The following TAFA2 variants were observed in gnomAD, a reference collection of about 807,000 sequenced individuals.
TAFA2 encodes the protein TAFA chemokine like family member 2.
Under a neutral mutation model 18.8 loss-of-function variants are expected in TAFA2, and 7 were observed. The ratio of observed to expected loss-of-function variants is 0.37; its 90% CI spans 0.21 to 0.70. The LOEUF (loss-of-function observed/expected upper bound fraction) is 0.70. Ranked by LOEUF, TAFA2 falls within the 30% of genes least tolerant of loss-of-function variation. The pLI is 0.53. For missense variants in TAFA2, 122 were observed against 158.1 expected, an observed-to-expected ratio of 0.77 and a Z score of 1.23; for synonymous variants, 60 against 54.2, an observed-to-expected ratio of 1.11 and a Z score of -0.47.
intron 2 of TAFA2, among the ~76,000 whole-genome samples, chr12:61,847,401 GATAA>G (rs1475668197): frequency 2.0e-5 from 3 of 152,030 alleles, no homozygotes; most frequent in African/African-American, 7.2e-5. Flanking sequence ...ATGAATGAAT[GATAA>G]ATAAATTACT....
At chr12:61,859,625 G>C (rs936914669) in intron 2 of TAFA2, among the ~76,000 whole-genome samples, 1 of 152,062 alleles carries the variant, frequency 6.6e-6, no homozygotes, top group African/African-American at 2.4e-5. Context: ...TGTATTTTTA[G>C]TAGAGACAGG....
chr12:62,028,166 C>A (rs931852957), intron 1 of TAFA2, among the ~76,000 whole-genome samples: 1 of 152,132 alleles, frequency 6.6e-6, no homozygotes, highest in Non-Finnish European at 1.5e-5. Flanking sequence ...TAGCCTAGTA[C>A]TATAACAAGT....
intron 1 of TAFA2, among the ~76,000 whole-genome samples, chr12:62,089,343 C>T (rs1868609438): frequency 6.6e-6 from 1 of 151,976 alleles, no homozygotes; most frequent in Non-Finnish European, 1.5e-5. Flanking sequence ...TCACCTGCTA[C>T]CCATAATTTT....
chr12:62,102,147 T>C (rs1869236205), intron 1 of TAFA2, among the ~76,000 whole-genome samples: 1 of 152,264 alleles, frequency 6.6e-6, no homozygotes, highest in African/African-American at 2.4e-5. Flanking sequence ...GCTTTCATTA[T>C]ACTTGTGCTT....
chr12:62,238,595 A>G (rs1468030261), intron 1 of TAFA2, among the ~76,000 whole-genome samples: 1 of 152,200 alleles, frequency 6.6e-6, no homozygotes, highest in Non-Finnish European at 1.5e-5. Flanking sequence ...TTTTGATTCC[A>G]CAATCCAAAC....
At chr12:62,203,637 T>C (rs1191219322) in intron 1 of TAFA2, among the ~76,000 whole-genome samples, 1 of 152,262 alleles carries the variant, frequency 6.6e-6, no homozygotes, top group Non-Finnish European at 1.5e-5. Context: ...GTCTGTTTTG[T>C]CAGAAACTAG....
intron 1 of TAFA2, chr12:62,198,533 G>A (rs890511001): frequency 8.5e-5 from 13 of 152,094 alleles, no homozygotes; most frequent in African/African-American, 3.1e-4. Context: ...TAAAACTTAC[G>A]AGTCCCAGTT....
intron 2 of TAFA2, among the ~76,000 whole-genome samples, chr12:61,805,026 C>A (rs1871552704): frequency 6.6e-6 from 1 of 151,882 alleles, no homozygotes; most frequent in South Asian, 2.1e-4. Context: ...GAACAACAAG[C>A]TTAAAACCAT....
chr12:61,790,177 TA>T (rs1555165637), intron 2 of TAFA2, among the ~76,000 whole-genome samples: 43 of 109,998 alleles, frequency 3.9e-4, no homozygotes, highest in African/African-American at 1.3e-3. Flanking sequence ...CCCTTCATGA[TA>T]AAAAAAAAAA....
intron 1 of TAFA2, among the ~76,000 whole-genome samples, chr12:61,994,261 G>C (rs910312862): frequency 2.6e-5 from 4 of 152,036 alleles, no homozygotes; most frequent in Admixed American, 2.6e-4. Context: ...ACTTCATGCA[G>C]ACAAACCCAT....
chr12:62,252,971 T>C (rs1445906152), intron 1 of TAFA2: 1 of 152,168 alleles, frequency 6.6e-6, no homozygotes, highest in Non-Finnish European at 1.5e-5. Flanking sequence ...GCCCCTTACA[T>C]AATAGAAGGG....
intron 2 of TAFA2, among the ~76,000 whole-genome samples, chr12:61,840,887 T>C (rs1480551568): frequency 6.6e-6 from 1 of 152,072 alleles, no homozygotes; most frequent in Non-Finnish European, 1.5e-5. Flanking sequence ...AACAGTTAGA[T>C]GCCAAAAATT....
intron 2 of TAFA2, among the ~76,000 whole-genome samples, chr12:61,820,610 G>A (rs995710608): frequency 2.0e-5 from 3 of 151,898 alleles, no homozygotes; most frequent in African/African-American, 4.8e-5. Context: ...AAGATAATTC[G>A]ATCTTAATTA....
At chr12:61,758,670 G>A (rs553053801) in intron 2 of TAFA2, among the ~76,000 whole-genome samples, 4 of 152,146 alleles carry the variant, frequency 2.6e-5, no homozygotes, top group East Asian at 1.9e-4. Context: ...AGGAAAGAGT[G>A]GTAGGAATAC....
rs1426772021 is a variant in TAFA2 at position 61,955,638 on chromosome 12, T to A, written c.-1-88212A>T. ...AAAAAAAAAAAAAAAAAAAAATATA[T>A]ATATATATATATATATATATATATA... On this transcript the variant is annotated intron_variant, in intron 1 of 4. Transcript: ENST00000416284. 3.5e-3 allele frequency among the ~76,000 whole-genome samples: 57 copies of A among 16,364 alleles called. 1 individual carries two copies. The highest frequency in any genetic ancestry group is 0.017 in the East Asian group (5 of 296). The allele number at this position is 16,364 out of a possible 152,430, so 10.7% of individuals were successfully genotyped here. A position where few individuals can be genotyped will look rare whatever the true frequency, so the allele number is the denominator to read the frequency against.
At chr12:61,823,492 G>A (rs141647033) in intron 2 of TAFA2, among the ~76,000 whole-genome samples, 39 of 152,244 alleles carry the variant, frequency 2.6e-4, no homozygotes, top group African/African-American at 7.5e-4. Flanking sequence ...CTCCAGGTAG[G>A]CCACAAATAC....
intron 4 of TAFA2, among the ~76,000 whole-genome samples, chr12:61,731,711 T>C (rs1870458908): frequency 6.6e-6 from 1 of 152,076 alleles, no homozygotes. Flanking sequence ...TATTAGTCTT[T>C]GTTACTAATT....
intron 1 of TAFA2, among the ~76,000 whole-genome samples, chr12:62,147,668 T>C (rs2062295587): frequency 7.0e-6 from 1 of 142,732 alleles, no homozygotes; most frequent in Non-Finnish European, 1.5e-5. Context: ...AGGCGGAGCT[T>C]GCAGTGAGCC....
chr12:62,247,922 T>G (rs1194968032), intron 1 of TAFA2, among the ~76,000 whole-genome samples: 1 of 151,920 alleles, frequency 6.6e-6, no homozygotes, highest in Non-Finnish European at 1.5e-5. Context: ...CTGTTTCTTT[T>G]TTTGAGTTTT....
Sources: allele counts gnomAD v4.1 joint callset (sites outside exome capture counted in the v4.1 genomes callset), GRCh38; gene constraint gnomAD v4.1.1; transcripts MANE v1.5; gene names NCBI Gene and HGNC (gene_info 2026-07-23, HGNC 2026-07-21).